ATP6V0A4: variants seen among roughly 807,000 people sequenced by gnomAD.
ATP6V0A4 encodes the protein ATPase H+ transporting V0 subunit a4.
Under a neutral mutation model 107.3 loss-of-function variants are expected in ATP6V0A4, and 86 were observed. The ratio of observed to expected loss-of-function variants is 0.80; its 90% CI spans 0.67 to 0.96. The LOEUF (loss-of-function observed/expected upper bound fraction) is 0.96, where lower values mean the gene tolerates loss of function less well. Among genes scored for constraint, ATP6V0A4 ranks in the 40% least tolerant of loss-of-function variants. ATP6V0A4 has a pLI of 0.00. For missense variants in ATP6V0A4, 908 were observed against 1,045.6 expected, an observed-to-expected ratio of 0.87 and a Z score of 1.81; for synonymous variants, 353 against 381.4, an observed-to-expected ratio of 0.93 and a Z score of 0.87.
At chr7:138,714,598 T>C (rs1055498833) in intron 20 of ATP6V0A4, among the ~76,000 whole-genome samples, 1 of 152,040 alleles carries the variant, frequency 6.6e-6, no homozygotes, top group Non-Finnish European at 1.5e-5. Context: ...AGATGATAGA[T>C]AGATAGATAC....
Position 138,759,895 on chromosome 7 carries a change from G to T in ATP6V0A4, c.513-17C>A. ...GCTATGAACCTAGGCAGCCAGAAGG[G>T]AAGACATTCCTTAAGGCACAGGGAT... On this transcript the variant is annotated splice_polypyrimidine_tract_variant and intron_variant, in intron 7 of 21. Coordinates refer to ENST00000310018, the MANE Select transcript of ATP6V0A4 (RefSeq NM_020632.3). 1 of 1,613,988 alleles carries T rather than the reference G, an allele frequency of 6.2e-7. No homozygotes were observed.
At chr7:138,735,853 A>G (rs1805289811) in intron 15 of ATP6V0A4, among the ~76,000 whole-genome samples, 1 of 152,234 alleles carries the variant, frequency 6.6e-6, no homozygotes, top group African/African-American at 2.4e-5. Flanking sequence ...TTGTAATCCT[A>G]CCATTTTGGG....
At position 138,768,590 on chromosome 7, in the gene ATP6V0A4, G is replaced by T. The variant is rs1807209180; in HGVS notation, c.291+190C>A. Among the ~76,000 whole-genome samples, 3 of 152,164 alleles carry T rather than the reference G, an allele frequency of 2.0e-5. No individual in the cohort carries two copies. In the South Asian group the frequency reaches 6.2e-4, roughly 32 times the overall value. On this transcript the variant is annotated intron_variant, in intron 5 of 21. Coordinates refer to ENST00000310018, the MANE Select transcript of ATP6V0A4 (RefSeq NM_020632.3). Reference sequence around the variant, plus strand: ...AAAACAGCTGTCTCCAGATCAGCAGGTGTGGCTCTAAAAACCGCACACTGG... The same window carrying T: ...AAAACAGCTGTCTCCAGATCAGCAGTTGTGGCTCTAAAAACCGCACACTGG...
intron 9 of ATP6V0A4, among the ~76,000 whole-genome samples, chr7:138,756,168 G>A (rs1806502457): frequency 6.6e-6 from 1 of 152,216 alleles, no homozygotes; most frequent in South Asian, 2.1e-4. Flanking sequence ...AAACAAGTTA[G>A]CCATGCAGTT....
intron 14 of ATP6V0A4, among the ~76,000 whole-genome samples, chr7:138,742,474 A>T (rs1291467561): frequency 6.6e-6 from 1 of 152,210 alleles, no homozygotes; most frequent in Non-Finnish European, 1.5e-5. Context: ...CTCTATACTT[A>T]TGAGTTTAAA....
chr7:138,768,900 C>T (rs1191728159), intron 4 of ATP6V0A4, 26 bp from the exon 5 acceptor site: 2 of 1,613,518 alleles, frequency 1.2e-6, no homozygotes, highest in Admixed American at 1.7e-5. Context: ...CCACCAGAAA[C>T]CCCAAGGTGA....
chr7:138,706,452 TG>T lies in ATP6V0A4; in HGVS notation c.*171del. On this transcript the variant is annotated 3_prime_UTR_variant, in exon 22 of 22. Transcript: ENST00000310018. ...ACTTGCCAAAGTCCTTCCTCTGACGTGGTTAAGTCGTATCAAATCCACAGGC... is the reference window on the plus strand; with the variant it reads ...ACTTGCCAAAGTCCTTCCTCTGACGTGTTAAGTCGTATCAAATCCACAGGC... 1.3e-6 allele frequency: 1 copy of T among 747,876 alleles called. No individual in the cohort carries two copies. The highest frequency in any genetic ancestry group is 2.8e-5 in the East Asian group (1 of 35,992). 46.3% of individuals were successfully genotyped at this position (747,876 alleles called of 1,614,324 possible).
At chr7:138,797,218 T>C (rs1380251728) in intron 1 of ATP6V0A4, among the ~76,000 whole-genome samples, 5 of 147,910 alleles carry the variant, frequency 3.4e-5, no homozygotes, top group Non-Finnish European at 7.5e-5. Context: ...CTTTTTTTTT[T>C]TTTTTTTTTT....
intron 1 of ATP6V0A4, among the ~76,000 whole-genome samples, chr7:138,793,629 A>G (rs991098374): frequency 6.6e-6 from 1 of 152,232 alleles, no homozygotes; most frequent in Admixed American, 6.5e-5. Flanking sequence ...GGTGTCTTTT[A>G]ACTAACATCA....
intron 5 of ATP6V0A4, among the ~76,000 whole-genome samples, chr7:138,768,061 G>A (rs1386896554): frequency 3.9e-5 from 6 of 152,118 alleles, no homozygotes; most frequent in Non-Finnish European, 8.8e-5. Context: ...AGCCTCCCAA[G>A]TAGCTGGGAT....
At chr7:138,769,054 GACC>G (rs1807234833) in intron 4 of ATP6V0A4, 116 bp downstream of exon 4, 1 of 1,579,594 alleles carries the variant, frequency 6.3e-7, no homozygotes, top group African/African-American at 1.4e-5. Flanking sequence ...GGGCCTCTGG[GACC>G]ACCTCAAAAA....
In ATP6V0A4 at chr7:138,752,573, C is replaced by T. The variant is rs372839099; in HGVS notation, c.1029+52G>A. Reference sequence around the variant, plus strand: ...CATGAGGCCAACACCCTCTGAGAGCCCAGCAGAGGGGCTGACTCATCGGAC... The same window carrying T: ...CATGAGGCCAACACCCTCTGAGAGCTCAGCAGAGGGGCTGACTCATCGGAC... On this transcript the variant is annotated intron_variant, in intron 11 of 21. Coordinates refer to ENST00000310018, the MANE Select transcript of ATP6V0A4 (RefSeq NM_020632.3). 5.6e-5 allele frequency: 90 copies of T among 1,605,600 alleles called. No homozygotes were observed. The African/African-American group carries it at 1.1e-3, about 20-fold the overall frequency.
intron 12 of ATP6V0A4, 60 bp downstream of exon 12, chr7:138,749,107 G>C: frequency 6.2e-7 from 1 of 1,601,614 alleles, no homozygotes. Flanking sequence ...CACCTCAGGG[G>C]TCCATCTTAC....
chr7:138,760,017 C>G (rs1044351760), intron 7 of ATP6V0A4, 139 bp from the exon 8 acceptor site: 1 of 1,490,906 alleles, frequency 6.7e-7, no homozygotes, highest in African/African-American at 1.4e-5. Context: ...CACAGCTCTA[C>G]CGACATGAGT....
intron 2 of ATP6V0A4, among the ~76,000 whole-genome samples, chr7:138,784,214 T>C (rs888651658): frequency 2.4e-5 from 2 of 83,558 alleles, no homozygotes; most frequent in African/African-American, 1.2e-4. Context: ...TCCTTAAACA[T>C]TATATATATA....
chr7:138,760,241 C>T (rs1584932902), intron 7 of ATP6V0A4, among the ~76,000 whole-genome samples: 2 of 151,836 alleles, frequency 1.3e-5, no homozygotes, highest in South Asian at 2.1e-4. Flanking sequence ...GTCAGGAGTT[C>T]GAGACCAGCC....
At chr7:138,766,357 C>T (rs1476506027) in intron 5 of ATP6V0A4, among the ~76,000 whole-genome samples, 1 of 151,874 alleles carries the variant, frequency 6.6e-6, no homozygotes, top group South Asian at 2.1e-4. Flanking sequence ...CATGCGCCAC[C>T]CACGCCTGGC....
At chr7:138,710,361 T>C (rs888781300) in intron 20 of ATP6V0A4, among the ~76,000 whole-genome samples, 2 of 151,950 alleles carry the variant, frequency 1.3e-5, no homozygotes, top group African/African-American at 4.8e-5. Flanking sequence ...CCAGCTAATT[T>C]TTGTATATTT....
chr7:138,790,169 G>A (rs1808344038), intron 1 of ATP6V0A4, among the ~76,000 whole-genome samples: 3 of 151,780 alleles, frequency 2.0e-5, no homozygotes, highest in African/African-American at 7.3e-5. Context: ...TTGTATATGT[G>A]TATATATTAC....
Sources: gnomAD v4.1 joint callset for allele counts (sites outside exome capture counted in the v4.1 genomes callset) on GRCh38, gnomAD v4.1.1 for gene constraint, MANE v1.5 for transcripts, NCBI Gene and HGNC (gene_info 2026-07-23, HGNC 2026-07-21) for gene names.